PRSS3: variants seen among roughly 807,000 people sequenced by gnomAD.
PRSS3 encodes trypsin-3.
A neutral mutation model predicts 20.8 loss-of-function variants in PRSS3; 14 were observed. That is an observed-to-expected ratio of 0.67 (90% CI 0.44 to 1.05). The LOEUF (loss-of-function observed/expected upper bound fraction) is 1.05, where lower values mean the gene tolerates loss of function less well. PRSS3 is among the 50% of genes least tolerant of loss of function. The pLI, the probability that PRSS3 is intolerant of heterozygous loss-of-function variation, is 0.00. For missense variants in PRSS3, 237 were observed against 306.4 expected, an observed-to-expected ratio of 0.77 and a Z score of 1.69; for synonymous variants, 91 against 117.6, an observed-to-expected ratio of 0.77 and a Z score of 1.46.
intron 1 of PRSS3, among the ~76,000 whole-genome samples, chr9:33,757,180 T>C (rs868431763): frequency 6.6e-6 from 1 of 151,276 alleles, no homozygotes; most frequent in African/African-American, 2.4e-5. Flanking sequence ...GGATTCAAAA[T>C]GGGAAATGTG....
chr9:33,794,986 T>A (rs1033747887), upstream of PRSS3: 2 of 1,408,198 alleles, frequency 1.4e-6, no homozygotes, highest in African/African-American at 2.9e-5. Flanking sequence ...GAATGCTAAG[T>A]CTCCCTTCTC....
At chr9:33,752,256 G>A (rs1822732574) in intron 1 of PRSS3, among the ~76,000 whole-genome samples, 1 of 152,100 alleles carries the variant, frequency 6.6e-6, no homozygotes, top group Non-Finnish European at 1.5e-5. Flanking sequence ...TCTCACATTT[G>A]GCACCAGTTG....
intron 1 of PRSS3, among the ~76,000 whole-genome samples, chr9:33,765,357 A>G (rs1823369703): frequency 6.6e-6 from 1 of 152,248 alleles, no homozygotes; most frequent in African/African-American, 2.4e-5. Context: ...TTACAACAAT[A>G]TACTGCTCAC....
chr9:33,759,483 TG>T (rs1253917293), intron 1 of PRSS3, among the ~76,000 whole-genome samples: 1 of 152,080 alleles, frequency 6.6e-6, no homozygotes, highest in Admixed American at 6.6e-5. Context: ...TTGGTGTCTT[TG>T]GGGGCAATGG....
chr9:33,778,929 T>C (rs1020473075), intron 1 of PRSS3, among the ~76,000 whole-genome samples: 1 of 152,230 alleles, frequency 6.6e-6, no homozygotes, highest in African/African-American at 2.4e-5. Context: ...GCCATTACTC[T>C]TAAGCGCCAT....
chr9:33,795,987 C>A (rs1228118337), intron 1 of PRSS3, among the ~76,000 whole-genome samples: 2 of 152,228 alleles, frequency 1.3e-5, no homozygotes, highest in African/African-American at 4.8e-5. Flanking sequence ...ATTACTCATG[C>A]CAGAGATTCA....
chr9:33,793,414 A>C (rs1421230883), upstream of PRSS3, among the ~76,000 whole-genome samples: 1 of 152,206 alleles, frequency 6.6e-6, no homozygotes, highest in South Asian at 2.1e-4. Context: ...CATATTATCA[A>C]TGCTCCAAAA....
At chr9:33,786,892 C>A in intron 1 of PRSS3, 1 of 621,968 alleles carries the variant, frequency 1.6e-6, no homozygotes, top group East Asian at 2.7e-5. Flanking sequence ...CCCAGCTCCC[C>A]TCACATGAAC....
intron 1 of PRSS3, among the ~76,000 whole-genome samples, chr9:33,765,812 GGA>G (rs1254997161): frequency 6.6e-6 from 1 of 152,128 alleles, no homozygotes; most frequent in African/African-American, 2.4e-5. Flanking sequence ...ATGGATAAGG[GGA>G]GACTACTGCA....
upstream of PRSS3, chr9:33,795,459 GGT>G: frequency 2.1e-6 from 3 of 1,426,174 alleles, no homozygotes; most frequent in Non-Finnish European, 3.0e-6. Context: ...GAAAGCTGCA[GGT>G]GTGTTTGTGC....
chr9:33,753,566 G>A (rs533189591), intron 1 of PRSS3, among the ~76,000 whole-genome samples: 4 of 152,278 alleles, frequency 2.6e-5, no homozygotes, highest in Admixed American at 2.0e-4. Context: ...CTGAATCCCA[G>A]CCTGAAATGC....
At chr9:33,783,526 A>G (rs1824262021) in intron 1 of PRSS3, among the ~76,000 whole-genome samples, 1 of 152,228 alleles carries the variant, frequency 6.6e-6, no homozygotes, top group Non-Finnish European at 1.5e-5. Flanking sequence ...TCCAGAATCT[A>G]GGTGGTGGGT....
chr9:33,792,332 A>C (rs1824669838), upstream of PRSS3, among the ~76,000 whole-genome samples: 1 of 151,020 alleles, frequency 6.6e-6, no homozygotes, highest in Non-Finnish European at 1.5e-5. Context: ...TGGAGAAGAA[A>C]GTGTTAAAAA....
At chr9:33,786,962 T>A in intron 1 of PRSS3, 2 of 584,884 alleles carry the variant, frequency 3.4e-6, no homozygotes, top group South Asian at 4.4e-5. Flanking sequence ...TAGACACAGC[T>A]GCTTCTGTGC....
intron 1 of PRSS3, among the ~76,000 whole-genome samples, chr9:33,751,645 C>T (rs550861346): frequency 6.5e-4 from 99 of 152,136 alleles, no homozygotes; most frequent in African/African-American, 2.3e-3. Context: ...ACCTTTTTGT[C>T]TCCTAGGGTG....
In PRSS3 at chr9:33,750,799, A is replaced by T; in HGVS notation, c.-53+72A>T. On this transcript the variant is annotated intron_variant, in intron 1 of 5. Coordinates refer to the PRSS3 transcript ENST00000342836. The surrounding 1 kb of genome is among the most constrained non-coding windows in gnomAD (Gnocchi z 4.8). ...GAAGGGAGAGGGAGCCCCGCCAAGG[A>T]GCGGGGCTGTGATGGAGAGGGGGTT... 1 of 1,409,058 alleles carries T rather than the reference A, an allele frequency of 7.1e-7. No individual in the cohort carries two copies. Among genetic ancestry groups the T allele is most frequent in the East Asian group, 2.8e-5 (1 of 35,430 alleles). 87.3% of individuals were successfully genotyped at this position (1,409,058 alleles called of 1,614,324 possible). A position where few individuals can be genotyped will look rare whatever the true frequency, so the allele number is the denominator to read the frequency against.
chr9:33,793,035 C>T (rs983455762), upstream of PRSS3, among the ~76,000 whole-genome samples: 17 of 152,262 alleles, frequency 1.1e-4, no homozygotes, highest in Non-Finnish European at 2.1e-4. Context: ...CCACCTATAG[C>T]TATCTTCTCT....
Position 33,763,947 on chromosome 9 carries a change from T to G in PRSS3, c.-53+13220T>G, listed in dbSNP as rs951421661. 2.0e-5 allele frequency among the ~76,000 whole-genome samples: 3 copies of G among 152,176 alleles called. No homozygotes were observed. The East Asian group carries it at 5.8e-4, about 29-fold the overall frequency. ...CTCCAGGCTGAGTAAGAATCTTCCC[T>G]TTGTTTTCATTGTTATGAGTGTTGT... On this transcript the variant is annotated intron_variant, in intron 1 of 5. Transcript: ENST00000342836.
chr9:33,781,295 A>G (rs1043669948), intron 1 of PRSS3, among the ~76,000 whole-genome samples: 5 of 152,350 alleles, frequency 3.3e-5, no homozygotes, highest in Non-Finnish European at 5.9e-5. Context: ...GTGCCCATCA[A>G]TGATGGATTG....
Sources: gnomAD v4.1 joint callset for allele counts (sites outside exome capture counted in the v4.1 genomes callset) on GRCh38, gnomAD v4.1.1 for gene constraint, Gnocchi (gnomAD v3.1) non-coding constraint, MANE v1.5 for transcripts, NCBI Gene and HGNC (gene_info 2026-07-23, HGNC 2026-07-21) for gene names.